CSMD1: variants seen among roughly 807,000 people sequenced by gnomAD.
The protein encoded by CSMD1 is CUB and Sushi multiple domains 1.
CSMD1 carries 213 observed loss-of-function variants against 417.5 expected under a neutral mutation model. That is an observed-to-expected ratio of 0.51 (90% confidence interval 0.46 to 0.57). CSMD1 has a LOEUF of 0.57. CSMD1 is among the 20% of genes least tolerant of loss of function. CSMD1 has a pLI of 0.00. For synonymous variants in CSMD1, 2,862 were observed against 1,736.8 expected, an observed-to-expected ratio of 1.65 and a Z score of -16.11; for missense variants, 6,923 against 4,529.7, an observed-to-expected ratio of 1.53 and a Z score of -15.17.
intron 1 of CSMD1, among the ~76,000 whole-genome samples, chr8:4,802,340 AGT>A (rs202111583): frequency 0.05 from 7,345 of 145,854 alleles, 289 homozygotes; most frequent in East Asian, 0.22. Flanking sequence ...AAGCAAAATG[AGT>A]GTGTGCGCGC....
chr8:3,562,298 T>A (rs963025208), intron 10 of CSMD1, among the ~76,000 whole-genome samples: 3 of 129,824 alleles, frequency 2.3e-5, no homozygotes, highest in Non-Finnish European at 5.0e-5. Flanking sequence ...AGTTTTAGAA[T>A]CTAGAAAGAC....
intron 2 of CSMD1, among the ~76,000 whole-genome samples, chr8:4,453,032 T>A (rs1386431495): frequency 6.6e-6 from 1 of 152,136 alleles, no homozygotes; most frequent in Non-Finnish European, 1.5e-5. Flanking sequence ...AAGGGACAAC[T>A]TAGATTTTCA....
chr8:3,118,996 C>G (rs965678427), intron 41 of CSMD1, among the ~76,000 whole-genome samples: 5 of 152,076 alleles, frequency 3.3e-5, no homozygotes, highest in Non-Finnish European at 1.5e-5. Flanking sequence ...CTGGCTAACA[C>G]AGTAAAATCC....
Position 4,746,167 on chromosome 8 carries a change from C to T in CSMD1, c.86-108609G>A, listed in dbSNP as rs187053164. 5.7e-3 allele frequency among the ~76,000 whole-genome samples: 871 copies of T among 152,272 alleles called. 11 individuals are homozygous for T. The highest frequency in any genetic ancestry group is 0.02 in the African/African-American group (826 of 41,552). ...CTGTTTCTTGGGCTTTGCACCTTTTCATCCAAAATTCTTTGTCCAATTCCG... is the reference window on the plus strand; with the variant it reads ...CTGTTTCTTGGGCTTTGCACCTTTTTATCCAAAATTCTTTGTCCAATTCCG... On this transcript the variant is annotated intron_variant, in intron 1 of 69. Transcript: ENST00000635120.
At chr8:2,999,133 T>C (rs924598759) in intron 53 of CSMD1, among the ~76,000 whole-genome samples, 1 of 150,444 alleles carries the variant, frequency 6.6e-6, no homozygotes, top group African/African-American at 2.4e-5. Flanking sequence ...ACATGTAATT[T>C]TACCTCTTTC....
intron 3 of CSMD1, among the ~76,000 whole-genome samples, chr8:4,256,053 T>A (rs548014173): frequency 7.2e-5 from 11 of 152,196 alleles, no homozygotes; most frequent in Non-Finnish European, 1.6e-4. Context: ...GATGCAACGA[T>A]TGCATATTTC....
In CSMD1 at chr8:3,997,893, C is replaced by T. The variant is rs182868860; in HGVS notation, c.818+10G>A. On this transcript the variant is annotated intron_variant, in intron 5 of 69. Transcript: ENST00000635120. Reference sequence around the variant, plus strand: ...CTGTATCCTTTGTGGCATCTCTTCCCGGGACTTACCATATGGATGGAGCTT... The same window carrying T: ...CTGTATCCTTTGTGGCATCTCTTCCTGGGACTTACCATATGGATGGAGCTT... 12 of 1,608,094 alleles carry T rather than the reference C, an allele frequency of 7.5e-6. No homozygotes were observed. Among genetic ancestry groups the T allele is most frequent in the African/African-American group, 2.7e-5 (2 of 74,954 alleles).
At chr8:3,557,684 C>T (rs1456003534) in intron 10 of CSMD1, among the ~76,000 whole-genome samples, 1 of 152,136 alleles carries the variant, frequency 6.6e-6, no homozygotes, top group African/African-American at 2.4e-5. Flanking sequence ...AATCATTTTA[C>T]AATTCTCTCC....
At chr8:3,542,856 G>T (rs1350038236) in intron 10 of CSMD1, among the ~76,000 whole-genome samples, 1 of 152,206 alleles carries the variant, frequency 6.6e-6, no homozygotes, top group East Asian at 1.9e-4. Flanking sequence ...AGGGAGAGCT[G>T]CTTTCCCGTG....
chr8:3,713,702 C>A (rs1258611738), intron 6 of CSMD1, among the ~76,000 whole-genome samples: 1 of 152,170 alleles, frequency 6.6e-6, no homozygotes, highest in East Asian at 1.9e-4. Flanking sequence ...AAATAAAATG[C>A]AAAATTCTTT....
At chr8:4,867,135 T>A (rs1354825766) in intron 1 of CSMD1, among the ~76,000 whole-genome samples, 1 of 152,064 alleles carries the variant, frequency 6.6e-6, no homozygotes, top group Non-Finnish European at 1.5e-5. Flanking sequence ...ACTACACACA[T>A]ATTATTTATA....
chr8:3,314,425 T>A (rs1287619300), intron 23 of CSMD1, among the ~76,000 whole-genome samples: 1 of 152,182 alleles, frequency 6.6e-6, no homozygotes, highest in East Asian at 1.9e-4. Flanking sequence ...TCCTTTTCTA[T>A]CTTGAAGCCA....
At position 3,210,315 on chromosome 8, in the gene CSMD1, T is replaced by C. The variant is rs558354921; in HGVS notation, c.4867+4182A>G. On this transcript the variant is annotated intron_variant, in intron 30 of 69. Coordinates refer to ENST00000635120, the MANE Select transcript of CSMD1 (RefSeq NM_033225.6). ...TTGGGGAAATCAGTGTTTCATGCGC[T>C]GTGCTCTTTGATGACTAGTAAAATA... Among the ~76,000 whole-genome samples, 10 of 128,786 alleles carry C rather than the reference T, an allele frequency of 7.8e-5. 1 individual carries two copies. The South Asian group carries it at 2.5e-3, about 33-fold the overall frequency. 84.5% of individuals were successfully genotyped at this position (128,786 alleles called of 152,430 possible). A position where few individuals can be genotyped will look rare whatever the true frequency, so the allele number is the denominator to read the frequency against.
intron 10 of CSMD1, among the ~76,000 whole-genome samples, chr8:3,574,048 A>G (rs1488284933): frequency 6.6e-6 from 1 of 152,180 alleles, no homozygotes; most frequent in Non-Finnish European, 1.5e-5. Context: ...TAGTAACATA[A>G]TTGCAAACTA....
chr8:4,591,281 G>A (rs1045137042), intron 2 of CSMD1, among the ~76,000 whole-genome samples: 7 of 152,200 alleles, frequency 4.6e-5, no homozygotes, highest in South Asian at 2.1e-4. Context: ...TGTGAAGTAC[G>A]AAGTCGAACA....
chr8:4,115,122 A>T (rs1333752016), intron 3 of CSMD1, among the ~76,000 whole-genome samples: 1 of 152,198 alleles, frequency 6.6e-6, no homozygotes, highest in African/African-American at 2.4e-5. Flanking sequence ...TCATGAAAAA[A>T]AGTCCATAGA....
chr8:3,617,381 A>C (rs1270798822), intron 7 of CSMD1, among the ~76,000 whole-genome samples: 3 of 152,222 alleles, frequency 2.0e-5, no homozygotes, highest in Non-Finnish European at 4.4e-5. Flanking sequence ...ATAATTTCTA[A>C]AGAACTCATT....
chr8:3,412,760 G>T (rs78359782), intron 12 of CSMD1, among the ~76,000 whole-genome samples: 8,845 of 152,090 alleles, frequency 0.058, 335 homozygotes, highest in East Asian at 0.16. Context: ...CTTAAAGATA[G>T]TTCTTGGAGT....
At chr8:3,092,487 G>A (rs1288722737) in intron 47 of CSMD1, among the ~76,000 whole-genome samples, 2 of 152,192 alleles carry the variant, frequency 1.3e-5, no homozygotes, top group Non-Finnish European at 2.9e-5. Context: ...TCTAGGAGAG[G>A]CACAAGTGGA....
Sources: allele counts gnomAD v4.1 joint callset (sites outside exome capture counted in the v4.1 genomes callset), GRCh38; gene constraint gnomAD v4.1.1; transcripts MANE v1.5; gene names NCBI Gene and HGNC (gene_info 2026-07-23, HGNC 2026-07-21).